Variants in UNC80 observed in about 807,000 individuals in gnomAD.
UNC80 encodes unc-80 subunit of NALCN channel complex, also known as protein unc-80 homolog.
Under a neutral mutation model 384.6 loss-of-function variants are expected in UNC80, and 164 were observed. That is an observed-to-expected ratio of 0.43 (90% CI 0.38 to 0.49). The LOEUF is 0.49. Among genes scored for constraint, UNC80 ranks in the 20% least tolerant of loss-of-function variants. UNC80 has a pLI of 0.00. For synonymous variants in UNC80, 1,486 were observed against 1,527.8 expected (o/e 0.97, Z 0.64); for missense variants, 3,330 against 4,143.0 (o/e 0.80, Z 5.39).
At chr2:209,808,767 T>TTCCGCGCTACTCAGCGACCTCGTTGCC in intron 7 of UNC80, 1 of 59,208 alleles carries the variant, frequency 1.7e-5, no homozygotes, top group Non-Finnish European at 2.9e-5. Context: ...CCTGCGCTAC[T>TTCCGCGCTACTCAGCGACCTCGTTGCC]TCTGCGCTAC....
At chr2:209,896,258 A>T in intron 27 of UNC80, 55 bp from the exon 28 acceptor site, 1 of 1,463,236 alleles carries the variant, frequency 6.8e-7, no homozygotes, top group Admixed American at 2.0e-5. Context: ...CCATACCAAC[A>T]TGCTCTCCAG....
chr2:209,849,749 T>A, intron 22 of UNC80, 126 bp downstream of exon 22: 3 of 1,013,656 alleles, frequency 3.0e-6, no homozygotes, highest in Non-Finnish European at 4.2e-6. Flanking sequence ...GAATTAGTGA[T>A]AAAAGGGGGA....
At chr2:209,894,471 G>A (rs1166488192) in intron 27 of UNC80, 105 bp downstream of exon 27, 4 of 595,570 alleles carry the variant, frequency 6.7e-6, no homozygotes. Flanking sequence ...TAGATGGAGG[G>A]CAGAGCCATA....
At chr2:209,786,916 C>T (rs2077462468) in intron 5 of UNC80, among the ~76,000 whole-genome samples, 1 of 149,584 alleles carries the variant, frequency 6.7e-6, no homozygotes, top group Non-Finnish European at 1.5e-5. Flanking sequence ...CTATTCCCAA[C>T]TCTATTTTTA....
chr2:209,849,032 A>C (rs376742711), intron 21 of UNC80, among the ~76,000 whole-genome samples: 3 of 152,152 alleles, frequency 2.0e-5, no homozygotes, highest in Admixed American at 6.5e-5. Context: ...CCCAATGTAC[A>C]CATTATACAC....
intron 7 of UNC80, among the ~76,000 whole-genome samples, chr2:209,799,187 T>C (rs2078374513): frequency 6.6e-6 from 1 of 152,066 alleles, no homozygotes; most frequent in African/African-American, 2.4e-5. Flanking sequence ...TTTCACAATA[T>C]TGATTCTTCC....
intron 51 of UNC80, among the ~76,000 whole-genome samples, chr2:209,962,380 G>A (rs1472544573): frequency 5.3e-5 from 8 of 152,038 alleles, no homozygotes; most frequent in African/African-American, 1.9e-4. Flanking sequence ...CTTCATTTTG[G>A]CGTATTGCTT....
intron 14 of UNC80, among the ~76,000 whole-genome samples, 198 bp from the exon 15 acceptor site, chr2:209,829,034 A>G (rs956584642): frequency 1.3e-5 from 2 of 152,114 alleles, no homozygotes; most frequent in Non-Finnish European, 2.9e-5. Flanking sequence ...AGTTGTTCTC[A>G]ATGTAAACAC....
intron 21 of UNC80, 71 bp downstream of exon 21, chr2:209,842,517 T>C (rs1325625952): frequency 3.7e-6 from 4 of 1,080,140 alleles, no homozygotes; most frequent in Non-Finnish European, 5.4e-6. Flanking sequence ...TTAGATTAAG[T>C]GGTCCATTTT....
At position 209,890,113 on chromosome 2, in the gene UNC80, T is replaced by G. The variant is rs137907946; in HGVS notation, c.4276+1853T>G. ...CCTATATGTATATATATAAATAAAA[T>G]TAACTGGTTAAGGTTTTTGTAAACT... On this transcript the variant is annotated intron_variant, in intron 26 of 64. Coordinates refer to ENST00000673920, the MANE Select transcript of UNC80 (RefSeq NM_001371986.1). 5.2e-3 allele frequency among the ~76,000 whole-genome samples: 795 copies of G among 152,298 alleles called. 10 individuals are homozygous for G. Among genetic ancestry groups the G allele is most frequent in the African/African-American group, 0.018 (746 of 41,564 alleles).
chr2:209,972,114 TCACC>T (rs2125013056), intron 54 of UNC80, 83 bp from the exon 55 acceptor site: 1 of 1,455,804 alleles, frequency 6.9e-7, no homozygotes, highest in East Asian at 2.6e-5. Context: ...CAGCAGGGAG[TCACC>T]GTCTCCATCA....
intron 4 of UNC80, among the ~76,000 whole-genome samples, chr2:209,785,085 T>C (rs2077351278): frequency 6.6e-6 from 1 of 152,190 alleles, no homozygotes; most frequent in African/African-American, 2.4e-5. Flanking sequence ...CTCTCAGGAT[T>C]CTAATTTAAT....
intron 42 of UNC80, 70 bp downstream of exon 42, chr2:209,937,700 G>C: frequency 8.1e-7 from 1 of 1,237,754 alleles, no homozygotes; most frequent in Non-Finnish European, 1.2e-6. Context: ...TTCATACTTT[G>C]CCAACTTTGA....
At chr2:209,898,818 G>C (rs533302153) in intron 28 of UNC80, among the ~76,000 whole-genome samples, 1 of 152,060 alleles carries the variant, frequency 6.6e-6, no homozygotes, top group African/African-American at 2.4e-5. Context: ...ATGTCCATGA[G>C]TTCAATTGTT....
intron 20 of UNC80, among the ~76,000 whole-genome samples, chr2:209,841,193 C>T (rs1175567728): frequency 1.3e-5 from 2 of 152,162 alleles, no homozygotes; most frequent in African/African-American, 4.8e-5. Flanking sequence ...TGCTTCATGG[C>T]CTGGTCATTT....
At chr2:209,945,606 C>T (rs2091877105) in intron 46 of UNC80, among the ~76,000 whole-genome samples, 1 of 152,142 alleles carries the variant, frequency 6.6e-6, no homozygotes. Context: ...CTTCTATTAT[C>T]TGAGATTTTT....
intron 22 of UNC80, among the ~76,000 whole-genome samples, chr2:209,871,202 G>T (rs527974280): frequency 2.0e-5 from 3 of 152,128 alleles, no homozygotes; most frequent in Non-Finnish European, 4.4e-5. Flanking sequence ...ATTTCTACTT[G>T]CACTCTACAA....
At position 209,866,541 on chromosome 2, in the gene UNC80, G is replaced by C. The variant is rs865853497; in HGVS notation, c.3628-6217G>C. 3.2e-3 allele frequency among the ~76,000 whole-genome samples: 409 copies of C among 129,374 alleles called. 1 individual carries two copies. The highest frequency in any genetic ancestry group is 9.4e-3 in the African/African-American group (267 of 28,262). 84.9% of individuals were successfully genotyped at this position (129,374 alleles called of 152,430 possible). On this transcript the variant is annotated intron_variant, in intron 22 of 64. Transcript: ENST00000673920. ...ACACACACACACACACACAGAGAGA[G>C]AGAGAGAGAGAGAGAGAGAGAGAGA...
At chr2:209,868,507 C>G (rs1346324157) in intron 22 of UNC80, among the ~76,000 whole-genome samples, 1 of 152,110 alleles carries the variant, frequency 6.6e-6, no homozygotes, top group Non-Finnish European at 1.5e-5. Context: ...TTTTTTAGGT[C>G]CCCAGGCAAA....
Sources: gnomAD v4.1 joint callset for allele counts (sites outside exome capture counted in the v4.1 genomes callset) on GRCh38, gnomAD v4.1.1 for gene constraint, MANE v1.5 for transcripts, NCBI Gene and HGNC (gene_info 2026-07-23, HGNC 2026-07-21) for gene names.